The following PRPH variants were observed in gnomAD, a reference collection of about 807,000 sequenced individuals.
PRPH encodes neurofilament 4 (57kD).
In PRPH, 48 loss-of-function variants were observed where a neutral mutation model predicts 52.6. The ratio of observed to expected loss-of-function variants is 0.91; its 90% CI spans 0.72 to 1.16. PRPH has a LOEUF of 1.16. Ranked by LOEUF, PRPH falls within the 50% of genes most tolerant of loss-of-function variation. PRPH has a pLI of 0.00. For missense variants in PRPH, 579 were observed against 635.7 expected, an observed-to-expected ratio of 0.91 and a Z score of 0.96; for synonymous variants, 279 against 283.8, an observed-to-expected ratio of 0.98 and a Z score of 0.17.
In PRPH at chr12:49,297,639, G is replaced by T; in HGVS notation, c.1218-38G>T. 6.2e-7 allele frequency: 1 copy of T among 1,612,632 alleles called. No homozygotes were observed. Among genetic ancestry groups the T allele is most frequent in the Non-Finnish European group, 8.5e-7 (1 of 1,179,888 alleles). Reference sequence around the variant, plus strand: ...TCGGGACTGGGCCGGGCAGGGCGGGGCCTGGGCAGGGGCGCTGACAACTTG... The same window carrying T: ...TCGGGACTGGGCCGGGCAGGGCGGGTCCTGGGCAGGGGCGCTGACAACTTG... On this transcript the variant is annotated intron_variant, in intron 6 of 8. Transcript: ENST00000257860. This position sits in a 1 kb window ranked among gnomAD's most constrained non-coding sequence, Gnocchi z 4.4.
In PRPH at chr12:49,296,036, A is replaced by C. The variant is rs1281617347; in HGVS notation, c.546-142A>C. The C allele has an allele frequency of 7.6e-7, 1 of 1,320,444 alleles. No homozygotes were observed. Among genetic ancestry groups the C allele is most frequent in the African/African-American group, 1.5e-5 (1 of 68,562 alleles). The allele number at this position is 1,320,444 out of a possible 1,614,324, so 81.8% of individuals were successfully genotyped here. ...CAGTCCGTTAGAGACAATGCGGGGC[A>C]ATTCCATTAGACAGCCTCAGCCCTC... is the stretch of plus-strand genomic sequence containing the variant. On this transcript the variant is annotated intron_variant, in intron 1 of 8. Coordinates refer to ENST00000257860, the MANE Select transcript of PRPH (RefSeq NM_006262.4). The surrounding 1 kb of genome is among the most constrained non-coding windows in gnomAD (Gnocchi z 5.1).
chr12:49,296,804 C>G lies in PRPH; in HGVS notation c.703-85C>G, dbSNP rs1943187477. 5 of 1,535,616 alleles carry G rather than the reference C, an allele frequency of 3.3e-6. No individual in the cohort carries two copies. In the African/African-American group the frequency reaches 4.1e-5, roughly 13 times the overall value. ...TGGCGCCCACTTCTGTTCGTTCAAG[C>G]GTTTCTTCTCTTTTCTGTGCACGAA... On this transcript the variant is annotated intron_variant, in intron 3 of 8. Coordinates refer to ENST00000257860, the MANE Select transcript of PRPH (RefSeq NM_006262.4). The surrounding 1 kb of genome is among the most constrained non-coding windows in gnomAD (Gnocchi z 5.1).
In PRPH at chr12:49,297,835, T is replaced by C; in HGVS notation, c.1267+109T>C. On this transcript the variant is annotated intron_variant, in intron 7 of 8. Transcript: ENST00000257860. The surrounding 1 kb of genome is among the most constrained non-coding windows in gnomAD (Gnocchi z 4.4). ...TTCTCCCCACGGAACTTCTGGGTCC[T>C]GGCCTGTACCCACCCCTACTCCTCA... 3 of 1,586,372 alleles carry C rather than the reference T, an allele frequency of 1.9e-6. No individual in the cohort carries two copies. Among genetic ancestry groups the C allele is most frequent in the Non-Finnish European group, 2.6e-6 (3 of 1,155,440 alleles).
In PRPH at chr12:49,297,041, G is replaced by C. The variant is rs907173485; in HGVS notation, c.855G>C (p.Glu285Asp). 1.2e-6 allele frequency: 2 copies of C among 1,613,892 alleles called. No individual in the cohort carries two copies. The highest frequency in any genetic ancestry group is 3.3e-5 in the Admixed American group (2 of 60,018). The change falls in exon 4 of 9, where the codon GAG (glutamate) becomes GAC (aspartate). Residue 285 changes from glutamate (E) to aspartate (D), a missense_variant. Physicochemically the swap from Glu to Asp is conservative, Grantham distance 45. Coordinates refer to ENST00000257860, the MANE Select transcript of PRPH (RefSeq NM_006262.4). This position sits in a 1 kb window ranked among gnomAD's most constrained non-coding sequence, Gnocchi z 4.4. ...IAAKNLQEAE[E>D]WYKSKYADLS... ...CGAAGAACCTGCAGGAGGCGGAGGAGTGGTACAAGTCCAAGGTGCAAGAGC... is the reference window on the plus strand; with the variant it reads ...CGAAGAACCTGCAGGAGGCGGAGGACTGGTACAAGTCCAAGGTGCAAGAGC...
Position 49,295,542 on chromosome 12 carries a change from G to A in PRPH, c.342G>A (p.Lys114=), listed in dbSNP as rs1398260662. The change falls in exon 1 of 9, where the codon AAG becomes AAA. Residue 114 remains lysine (K), a synonymous_variant. Transcript: ENST00000257860. ...LNDRFANFIE[K]VRFLEQQNAA... ...ACCGCTTCGCCAACTTCATCGAGAA[G>A]GTACGCTTTCTGGAGCAGCAGAACG... 3 of 1,589,212 alleles carry A rather than the reference G, an allele frequency of 1.9e-6. No individual in the cohort carries two copies. The highest frequency in any genetic ancestry group is 1.3e-5 in the African/African-American group (1 of 74,522).
chr12:49,296,247 G>C lies in PRPH; in HGVS notation c.606+9G>C, dbSNP rs1269593661. 2 of 1,612,708 alleles carry C rather than the reference G, an allele frequency of 1.2e-6. No homozygotes were observed. The highest frequency in any genetic ancestry group is 1.7e-5 in the Admixed American group (1 of 59,860). ...TCGTGCTCTTCCGCAAGGTGAGTCC[G>C]AGCCCCTCTCCGAGTTCAGCCTCCC... On this transcript the variant is annotated intron_variant, in intron 2 of 8. Transcript: ENST00000257860. This position sits in a 1 kb window ranked among gnomAD's most constrained non-coding sequence, Gnocchi z 5.1.
In PRPH at chr12:49,298,666, T is replaced by C. The variant is rs1315097037; in HGVS notation, c.*313T>C. 4.9e-6 allele frequency: 2 copies of C among 410,190 alleles called. No individual in the cohort carries two copies. Among genetic ancestry groups the C allele is most frequent in the Non-Finnish European group, 9.1e-6 (2 of 219,938 alleles). The allele number at this position is 410,190 out of a possible 1,614,324, so 25.4% of individuals were successfully genotyped here. A position where few individuals can be genotyped will look rare whatever the true frequency, so the allele number is the denominator to read the frequency against. ...GTCTGAGTTTCACATTTGAACCAAATAAAATGCTGTCAAGAGAAAACTCTC... is the reference window on the plus strand; with the variant it reads ...GTCTGAGTTTCACATTTGAACCAAACAAAATGCTGTCAAGAGAAAACTCTC... On this transcript the variant is annotated 3_prime_UTR_variant, in exon 9 of 9. Transcript: ENST00000257860.
rs369703252 is a variant in PRPH at position 49,295,347 on chromosome 12, G to A, written c.147G>A (p.Ala49=). ...RFSSSRLLGS[A]SPSSSVRLGS... Reference sequence around the variant, plus strand: ...CCAGCAGCCGCCTGCTGGGCTCCGCGTCCCCGAGCTCCTCGGTGCGCCTGG... The same window carrying A: ...CCAGCAGCCGCCTGCTGGGCTCCGCATCCCCGAGCTCCTCGGTGCGCCTGG... The change falls in exon 1 of 9, where the codon GCG becomes GCA. Residue 49 remains alanine (A), a synonymous_variant. Transcript: ENST00000257860. The A allele has an allele frequency of 3.7e-6, 6 of 1,610,496 alleles. No homozygotes were observed. The African/African-American group carries it at 6.7e-5, about 18-fold the overall frequency.
chr12:49,298,333 T>G lies in PRPH; in HGVS notation c.1393T>G (p.Ser465Ala), dbSNP rs773391662. Residue 465 changes from serine to alanine, a missense_variant, in exon 9 of 9, where the codon TCT (serine) becomes GCT (alanine). By Grantham distance (99) the Ser-to-Ala change is moderately conservative. Coordinates refer to ENST00000257860, the MANE Select transcript of PRPH (RefSeq NM_006262.4). ...GGAGCAGCGCAGTGAGCTGGACAAG[T>G]CTTCTGCCCACAGTTACTGAACCCC... ...QKEQRSELDK[S>A]SAHSY is the part of the protein sequence containing the mutation. 1 of 1,614,098 alleles carries G rather than the reference T, an allele frequency of 6.2e-7. No individual in the cohort carries two copies. The highest frequency in any genetic ancestry group is 8.5e-7 in the Non-Finnish European group (1 of 1,179,998).
rs1291489493 is a variant in PRPH, at chr12:49,296,873, C to G, written c.703-16C>G. ...ATTTGCGCCGCTGTCCATCCTCTGC[C>G]TGCTCCCGGCCGTAGGAGCTGCGAG... On this transcript the variant is annotated splice_polypyrimidine_tract_variant and intron_variant, in intron 3 of 8. Coordinates refer to ENST00000257860, the MANE Select transcript of PRPH (RefSeq NM_006262.4). This position sits in a 1 kb window ranked among gnomAD's most constrained non-coding sequence, Gnocchi z 5.1. 6.2e-7 allele frequency: 1 copy of G among 1,603,392 alleles called. No homozygotes were observed. The highest frequency in any genetic ancestry group is 8.5e-7 in the Non-Finnish European group (1 of 1,175,448).
rs1299748728 is a variant in PRPH at position 49,298,400 on chromosome 12, C to A, written c.*47C>A. 6.3e-7 allele frequency: 1 copy of A among 1,597,996 alleles called. No individual in the cohort carries two copies. The highest frequency in any genetic ancestry group is 8.6e-7 in the Non-Finnish European group (1 of 1,165,928). On this transcript the variant is annotated 3_prime_UTR_variant, in exon 9 of 9. Coordinates refer to ENST00000257860, the MANE Select transcript of PRPH (RefSeq NM_006262.4). ...ACTCTGCCCTAGGCCTGCTCAAAGC[C>A]CAAACCCTAAGACCACTCCTGAATT...
rs779484903 is a variant in PRPH at position 49,295,228 on chromosome 12, G to C, written c.28G>C (p.Ala10Pro). ...GAGCCACCACCCGTCGGGCCTCCGG[G>C]CCGGCTTCAGCTCCACCTCATACCG... MSHHPSGLR[A>P]GFSSTSYRRT... The change falls in exon 1 of 9, where the codon GCC (alanine) becomes CCC (proline). Residue 10 changes from alanine (A) to proline (P), a missense_variant. Physicochemically the swap from Ala to Pro is conservative, Grantham distance 27. Transcript: ENST00000257860. The C allele has an allele frequency of 6.2e-6, 10 of 1,611,424 alleles. No homozygotes were observed. In the African/African-American group the frequency reaches 1.2e-4, roughly 19 times the overall value.
chr12:49,296,450 CTG>C lies in PRPH; in HGVS notation c.627_628del (p.Ser210ProfsTer9). 1 of 1,614,180 alleles carries C rather than the reference CTG, an allele frequency of 6.2e-7. No individual in the cohort carries two copies. The highest frequency in any genetic ancestry group is 2.2e-5 in the East Asian group (1 of 44,882). ...LFRKDVDDAT[L>X]SRLELERKIE... ...CTCGAAGGACGTGGACGATGCCACT[CTG>C]TCCCGCCTGGAACTAGAGCGCAAGA... On this transcript the variant is annotated frameshift_variant, in exon 3 of 9. Coordinates refer to ENST00000257860, the MANE Select transcript of PRPH (RefSeq NM_006262.4). LOFTEE classifies it high-confidence loss of function. This position sits in a 1 kb window ranked among gnomAD's most constrained non-coding sequence, Gnocchi z 5.1.
At position 49,295,334 on chromosome 12, in the gene PRPH, T is replaced by C; in HGVS notation, c.134T>C (p.Leu45Pro). 6.2e-7 allele frequency: 1 copy of C among 1,611,298 alleles called. No homozygotes were observed. The highest frequency in any genetic ancestry group is 8.5e-7 in the Non-Finnish European group (1 of 1,179,494). ...SSSSRFSSSR[L>P]LGSASPSSSV... ...AGCTCCCGCTTCTCCAGCAGCCGCC[T>C]GCTGGGCTCCGCGTCCCCGAGCTCC... The change falls in exon 1 of 9, where the codon CTG becomes CCG. Residue 45 changes from leucine to proline, a missense_variant. Leu to Pro is a moderately conservative substitution (Grantham distance 98, BLOSUM62 -3). Transcript: ENST00000257860.
chr12:49,295,281 A>G lies in PRPH; in HGVS notation c.81A>G (p.Leu27=), dbSNP rs1370067826. ...GTACCTTCGGTCCACCGCCCTCACT[A>G]TCCCCCGGGGCCTTCTCCTACTCGT... The part of the protein sequence containing the change: ...YRRTFGPPPS[L]SPGAFSYSSS... The change falls in exon 1 of 9, where the codon CTA becomes CTG. Residue 27 remains leucine, a synonymous_variant. Transcript: ENST00000257860. 7.4e-6 allele frequency: 12 copies of G among 1,611,562 alleles called. No homozygotes were observed. The highest frequency in any genetic ancestry group is 9.3e-6 in the Non-Finnish European group (11 of 1,179,628).
At position 49,296,034 on chromosome 12, in the gene PRPH, G is replaced by A; in HGVS notation, c.546-144G>A. On this transcript the variant is annotated intron_variant, in intron 1 of 8. Coordinates refer to ENST00000257860, the MANE Select transcript of PRPH (RefSeq NM_006262.4). The surrounding 1 kb of genome is among the most constrained non-coding windows in gnomAD (Gnocchi z 5.1). ...CCCAGTCCGTTAGAGACAATGCGGG[G>A]CAATTCCATTAGACAGCCTCAGCCC... The A allele has an allele frequency of 2.3e-6, 3 of 1,323,304 alleles. No individual in the cohort carries two copies. The highest frequency in any genetic ancestry group is 3.1e-6 in the Non-Finnish European group (3 of 957,406). 82.0% of individuals were successfully genotyped at this position (1,323,304 alleles called of 1,614,324 possible). A position where few individuals can be genotyped will look rare whatever the true frequency, so the allele number is the denominator to read the frequency against.
chr12:49,297,038 G>C lies in PRPH; in HGVS notation c.852G>C (p.Glu284Asp), dbSNP rs745681247. ...SIAAKNLQEAEEWYKSKYADL... is the reference protein window; with the variant it reads ...SIAAKNLQEADEWYKSKYADL... ...CCGCGAAGAACCTGCAGGAGGCGGA[G>C]GAGTGGTACAAGTCCAAGGTGCAAG... The change falls in exon 4 of 9, where the codon GAG (glutamate) becomes GAC (aspartate). Residue 284 changes from glutamate (E) to aspartate (D), a missense_variant. Glu to Asp is a conservative substitution (Grantham distance 45). Transcript: ENST00000257860. The surrounding 1 kb of genome is among the most constrained non-coding windows in gnomAD (Gnocchi z 4.4). 3.1e-6 allele frequency: 5 copies of C among 1,613,940 alleles called. No individual in the cohort carries two copies. Among genetic ancestry groups the C allele is most frequent in the South Asian group, 2.2e-5 (2 of 91,074 alleles).
Position 49,298,443 on chromosome 12 carries a change from A to C in PRPH, c.*90A>C, listed in dbSNP as rs913332819. 6 of 1,413,864 alleles carry C rather than the reference A, an allele frequency of 4.2e-6. No individual in the cohort carries two copies. Among genetic ancestry groups the C allele is most frequent in the Admixed American group, 3.6e-5 (2 of 55,708 alleles). The allele number at this position is 1,413,864 out of a possible 1,614,324, so 87.6% of individuals were successfully genotyped here. ...CCTGAATTGTCTCCTCTCCCTCTGCATGTGTCTAAAAGGTGGTACCAGGCA... is the reference window on the plus strand; with the variant it reads ...CCTGAATTGTCTCCTCTCCCTCTGCCTGTGTCTAAAAGGTGGTACCAGGCA... On this transcript the variant is annotated 3_prime_UTR_variant, in exon 9 of 9. Coordinates refer to ENST00000257860, the MANE Select transcript of PRPH (RefSeq NM_006262.4).
intron 1 of PRPH, 138 bp downstream of exon 1, chr12:49,295,883 C>G (rs909878305): frequency 6.9e-7 from 1 of 1,439,608 alleles, no homozygotes; most frequent in African/African-American, 1.4e-5. Flanking sequence ...CAGGTGTGTG[C>G]GGGCAGCATC....
Sources: allele counts gnomAD v4.1 joint callset, GRCh38; gene constraint gnomAD v4.1.1; non-coding constraint Gnocchi (gnomAD v3.1); transcripts MANE v1.5; gene names NCBI Gene and HGNC (gene_info 2026-07-23, HGNC 2026-07-21).